Variants in PDE3A observed in about 807,000 individuals in gnomAD.
The protein encoded by PDE3A is phosphodiesterase 3A.
PDE3A carries 43 observed loss-of-function variants against 98.3 expected under a neutral mutation model. The observed-to-expected ratio is 0.44, with a 90% CI of 0.34 to 0.56. The LOEUF (loss-of-function observed/expected upper bound fraction) is 0.56, where lower values mean the gene tolerates loss of function less well. Ranked by LOEUF, PDE3A falls within the 20% of genes least tolerant of loss-of-function variation. The probability of loss-of-function intolerance (pLI) is 0.01; values close to 1 mark genes in which losing one functional copy is unlikely to be tolerated. For synonymous variants in PDE3A, 663 were observed against 567.9 expected, an observed-to-expected ratio of 1.17 and a Z score of -2.38; for missense variants, 1,427 against 1,440.7, an observed-to-expected ratio of 0.99 and a Z score of 0.15.
At chr12:20,475,706 G>GT (rs528971031) in intron 1 of PDE3A, among the ~76,000 whole-genome samples, 173 of 147,052 alleles carry the variant, frequency 1.2e-3, no homozygotes, top group South Asian at 1.9e-3. Context: ...CTTCAGCCTG[G>GT]GTGACACACC....
At chr12:20,645,254 G>T (rs540272485) in intron 10 of PDE3A, among the ~76,000 whole-genome samples, 3 of 152,144 alleles carry the variant, frequency 2.0e-5, no homozygotes, top group South Asian at 4.2e-4. Context: ...CCTTTCCACT[G>T]AATTTCTAGG....
chr12:20,632,696 G>T (rs1404130662), intron 6 of PDE3A, among the ~76,000 whole-genome samples: 1 of 151,788 alleles, frequency 6.6e-6, no homozygotes, highest in East Asian at 2.0e-4. Flanking sequence ...GGTGGTTTAC[G>T]GTACATCTAG....
intron 5 of PDE3A, among the ~76,000 whole-genome samples, chr12:20,627,675 AT>A (rs1028859648): frequency 6.6e-6 from 1 of 151,680 alleles, no homozygotes; most frequent in African/African-American, 2.4e-5. Context: ...TATTACTTGA[AT>A]TTAAGTTAAT....
chr12:20,679,764 TTAAA>T (rs959157992), intron 15 of PDE3A, among the ~76,000 whole-genome samples: 7 of 151,748 alleles, frequency 4.6e-5, no homozygotes, highest in Admixed American at 3.3e-4. Flanking sequence ...TTGCCAAATA[TTAAA>T]TACTGTCCCT....
At chr12:20,504,224 A>T (rs556778594) in intron 1 of PDE3A, among the ~76,000 whole-genome samples, 3 of 152,076 alleles carry the variant, frequency 2.0e-5, no homozygotes, top group African/African-American at 7.2e-5. Flanking sequence ...CATGCAGATA[A>T]ACATGTGTAT....
chr12:20,409,509 G>T (rs1185833358), intron 1 of PDE3A, among the ~76,000 whole-genome samples: 1 of 152,156 alleles, frequency 6.6e-6, no homozygotes, highest in Non-Finnish European at 1.5e-5. Flanking sequence ...GATCAAAATT[G>T]TGAAATCTTT....
chr12:20,436,038 T>C (rs1282357306), intron 1 of PDE3A, among the ~76,000 whole-genome samples: 1 of 152,168 alleles, frequency 6.6e-6, no homozygotes, highest in Non-Finnish European at 1.5e-5. Context: ...GAATTGATCC[T>C]TGTTACTCAA....
At chr12:20,484,168 T>G (rs551464538) in intron 1 of PDE3A, among the ~76,000 whole-genome samples, 2 of 152,320 alleles carry the variant, frequency 1.3e-5, no homozygotes, top group Admixed American at 6.5e-5. Context: ...CAGACAGAAT[T>G]CTGCAATACA....
At chr12:20,575,017 A>G (rs904933631) in intron 2 of PDE3A, among the ~76,000 whole-genome samples, 3 of 152,012 alleles carry the variant, frequency 2.0e-5, no homozygotes, top group African/African-American at 7.2e-5. Flanking sequence ...ATGCCATTGG[A>G]CATACTATTT....
intron 1 of PDE3A, among the ~76,000 whole-genome samples, chr12:20,386,146 T>A (rs1208289856): frequency 1.4e-4 from 4 of 29,370 alleles, no homozygotes; most frequent in Non-Finnish European, 2.1e-4. Context: ...TATATAAATA[T>A]ATATATAAAT....
chr12:20,675,583 G>C (rs965641378), intron 15 of PDE3A, among the ~76,000 whole-genome samples: 1 of 152,168 alleles, frequency 6.6e-6, no homozygotes, highest in Non-Finnish European at 1.5e-5. Context: ...GCATATATCT[G>C]GGTGTGATAC....
chr12:20,464,478 T>C (rs1945306388), intron 1 of PDE3A, among the ~76,000 whole-genome samples: 1 of 152,156 alleles, frequency 6.6e-6, no homozygotes, highest in Non-Finnish European at 1.5e-5. Flanking sequence ...CTTGGCTAAT[T>C]GTTATCATAA....
At chr12:20,604,386 A>G (rs1032163811) in intron 2 of PDE3A, among the ~76,000 whole-genome samples, 2 of 152,156 alleles carry the variant, frequency 1.3e-5, no homozygotes, top group African/African-American at 4.8e-5. Context: ...AATGAAAAAA[A>G]CTTTCTCTTA....
chr12:20,657,449 A>G (rs1945068782), intron 15 of PDE3A, among the ~76,000 whole-genome samples: 1 of 152,216 alleles, frequency 6.6e-6, no homozygotes, highest in African/African-American at 2.4e-5. Context: ...TAACTTCTGT[A>G]GTTTGTAAAA....
intron 1 of PDE3A, among the ~76,000 whole-genome samples, chr12:20,472,942 C>A (rs755572507): frequency 6.6e-6 from 1 of 152,076 alleles, no homozygotes; most frequent in Non-Finnish European, 1.5e-5. Context: ...TCTTTTAAAT[C>A]TGTTTGAATT....
At position 20,370,066 on chromosome 12, in the gene PDE3A, A is replaced by C; in HGVS notation, c.782A>C (p.Gln261Pro). ...LARYVEQILP[Q>P]SAEAAPREHL... ...AGGTACGTGGAACAAATCTTGCCGC[A>C]GTCCGCGGAGGCGGCTCCAAGGGAG... Residue 261 changes from glutamine (Q) to proline (P), a missense_variant, in exon 1 of 16, where the codon CAG becomes CCG. This residue lies in a region of PDE3A where 1,012 missense variants were observed against 886.5 expected (regional missense o/e 1.14). Transcript: ENST00000359062. The C allele has an allele frequency of 1.9e-6, 3 of 1,612,876 alleles. No individual in the cohort carries two copies. Among genetic ancestry groups the C allele is most frequent in the Non-Finnish European group, 2.5e-6 (3 of 1,179,668 alleles).
At chr12:20,463,555 A>G (rs1443985150) in intron 1 of PDE3A, among the ~76,000 whole-genome samples, 2 of 152,186 alleles carry the variant, frequency 1.3e-5, no homozygotes, top group Non-Finnish European at 2.9e-5. Flanking sequence ...TATGGTAAAT[A>G]TATCAAAAGG....
intron 15 of PDE3A, among the ~76,000 whole-genome samples, chr12:20,677,141 T>C (rs1217627438): frequency 6.6e-6 from 1 of 152,194 alleles, no homozygotes; most frequent in East Asian, 1.9e-4. Context: ...CTTTTGAATG[T>C]ATTTTGTATT....
chr12:20,660,854 C>T (rs139364376), intron 15 of PDE3A, among the ~76,000 whole-genome samples: 85 of 151,888 alleles, frequency 5.6e-4, no homozygotes, highest in African/African-American at 1.8e-3. Context: ...TGGAAATGGA[C>T]GAATACAGTA....
Sources: allele counts gnomAD v4.1 joint callset (sites outside exome capture counted in the v4.1 genomes callset), GRCh38; gene constraint gnomAD v4.1.1; regional missense constraint gnomAD v4.1.1; transcripts MANE v1.5; gene names NCBI Gene and HGNC (gene_info 2026-07-23, HGNC 2026-07-21).